The following PASD1 variants were observed in gnomAD, a reference collection of about 807,000 sequenced individuals.
PASD1 encodes the protein PAS domain containing repressor 1, also known as circadian clock protein PASD1.
Under a neutral mutation model 58.8 loss-of-function variants are expected in PASD1, and 13 were observed. The observed-to-expected ratio is 0.22, with a 90% confidence interval of 0.14 to 0.35. The LOEUF is 0.35. Among genes scored for constraint, PASD1 ranks in the 10% least tolerant of loss-of-function variants. The pLI, the probability that PASD1 is intolerant of heterozygous loss-of-function variation, is 1.00. For synonymous variants in PASD1, 236 were observed against 216.7 expected, an observed-to-expected ratio of 1.09 and a Z score of -0.78; for missense variants, 734 against 568.3, an observed-to-expected ratio of 1.29 and a Z score of -2.96.
At chrX:151,645,512 G>A (rs1422117599) in intron 8 of PASD1, among the ~76,000 whole-genome samples, 1 of 111,848 alleles carries the variant, frequency 8.9e-6, no homozygotes, top group Non-Finnish European at 1.9e-5. Flanking sequence ...TCAAACCTCG[G>A]TAAAATATTT....
At chrX:151,651,790 A>C (rs754441319) in intron 9 of PASD1, among the ~76,000 whole-genome samples, 1 of 112,132 alleles carries the variant, frequency 8.9e-6, no homozygotes, top group South Asian at 3.8e-4. Flanking sequence ...AGGCATTATC[A>C]TTCCAGTTTT....
At chrX:151,655,187 CA>C (rs1297440651) in intron 9 of PASD1, among the ~76,000 whole-genome samples, 2 of 111,421 alleles carry the variant, frequency 1.8e-5, no homozygotes, top group Non-Finnish European at 3.8e-5. Flanking sequence ...ATGAACTCAT[CA>C]TTTTTTATGG....
chrX:151,620,887 C>G (rs2013697795), intron 4 of PASD1, 43 bp from the exon 5 acceptor site: 2 of 1,007,329 alleles, frequency 2.0e-6, no homozygotes, highest in African/African-American at 3.8e-5. Flanking sequence ...TCTCCCTCTT[C>G]CCCTCCTTTT....
chrX:151,640,223 T>A (rs1202426910), intron 8 of PASD1, among the ~76,000 whole-genome samples: 2 of 111,887 alleles, frequency 1.8e-5, no homozygotes, highest in Non-Finnish European at 3.8e-5. Flanking sequence ...TTACTGGATG[T>A]ATTAAAAAGA....
intron 14 of PASD1, chrX:151,673,618 G>T: frequency 2.9e-6 from 1 of 345,460 alleles, no homozygotes; most frequent in Non-Finnish European, 5.1e-6. Context: ...AGCTCCCTGA[G>T]TGCTTTCAAA....
intron 9 of PASD1, among the ~76,000 whole-genome samples, chrX:151,658,155 A>T (rs1042866120): frequency 1.8e-5 from 2 of 111,962 alleles, no homozygotes; most frequent in African/African-American, 6.5e-5. Context: ...CTCTCTTTTC[A>T]AATCCTTTAG....
chrX:151,656,309 T>G (rs1275206453), intron 9 of PASD1, among the ~76,000 whole-genome samples: 1 of 111,884 alleles, frequency 8.9e-6, no homozygotes, highest in Non-Finnish European at 1.9e-5. Flanking sequence ...GCTTTGTTCT[T>G]TTGGCTTAGG....
intron 1 of PASD1, among the ~76,000 whole-genome samples, chrX:151,594,054 A>G (rs1462115532): frequency 9.0e-6 from 1 of 111,088 alleles, no homozygotes; most frequent in Non-Finnish European, 1.9e-5. Context: ...GCTCACTGCA[A>G]TCTCGGCCTC....
chrX:151,624,869 A>T (rs1230889932), intron 7 of PASD1, among the ~76,000 whole-genome samples: 1 of 112,068 alleles, frequency 8.9e-6, no homozygotes, highest in Non-Finnish European at 1.9e-5. Flanking sequence ...GAAGTTGCCT[A>T]ATTCAGTTGC....
rs977177986 is a variant in PASD1 at position 151,585,579 on chromosome X, A to G, written c.-27-15948A>G. ...CTGAGCTTGAGGCCTGGCATTGAGG[A>G]TTGGTAGGAGCAGGCAAGTGTGAGT... On this transcript the variant is annotated intron_variant, in intron 1 of 15. Coordinates refer to ENST00000370357, the MANE Select transcript of PASD1 (RefSeq NM_173493.3). Among the ~76,000 whole-genome samples the G allele has an allele frequency of 2.7e-5, 3 of 110,929 alleles. No individual in the cohort carries two copies. In the Admixed American group the frequency reaches 2.9e-4, roughly 11 times the overall value.
chrX:151,652,540 A>C lies in PASD1; in HGVS notation c.717+3838A>C, dbSNP rs916870807. On this transcript the variant is annotated intron_variant, in intron 9 of 15. Transcript: ENST00000370357. ...AGAATGAGACTCCGTCTCAAAAAAA[A>C]AAAAAACAAAAAACAAACAAACAAA... 3.3e-3 allele frequency among the ~76,000 whole-genome samples: 351 copies of C among 105,256 alleles called. 3 individuals are homozygous for C. The highest frequency in any genetic ancestry group is 0.012 in the African/African-American group (343 of 29,562). 91.4% of individuals were successfully genotyped at this position (105,256 alleles called of 115,157 possible).
intron 1 of PASD1, among the ~76,000 whole-genome samples, chrX:151,573,388 G>A (rs1466100251): frequency 1.8e-5 from 2 of 112,483 alleles, no homozygotes; most frequent in Non-Finnish European, 3.8e-5. Context: ...CTCTGGAGAA[G>A]TAACAAGTTC....
chrX:151,637,783 C>T (rs1047611850), intron 8 of PASD1, among the ~76,000 whole-genome samples: 5 of 111,638 alleles, frequency 4.5e-5, no homozygotes, highest in Non-Finnish European at 7.5e-5. Context: ...ATTTGCATTC[C>T]CCCTAAGGAC....
chrX:151,574,840 G>A (rs763529990), intron 1 of PASD1, among the ~76,000 whole-genome samples: 14 of 111,692 alleles, frequency 1.3e-4, no homozygotes, highest in Middle Eastern at 9.3e-3. Flanking sequence ...AAATAGAGAC[G>A]AGGTCTCGTT....
chrX:151,672,142 G>T (rs1352469547), intron 13 of PASD1, 41 bp from the exon 14 acceptor site: 3 of 1,122,988 alleles, frequency 2.7e-6, no homozygotes, highest in Non-Finnish European at 3.5e-6. Flanking sequence ...GGAGGCTCTT[G>T]CAGACACCAG....
intron 11 of PASD1, among the ~76,000 whole-genome samples, chrX:151,667,716 C>T (rs1476693742): frequency 5.4e-5 from 6 of 111,445 alleles, no homozygotes; most frequent in Non-Finnish European, 9.4e-5. Flanking sequence ...TTTCTGAGGG[C>T]TCTGTTCTGT....
At chrX:151,668,306 G>A (rs1467662376) in intron 11 of PASD1, among the ~76,000 whole-genome samples, 4 of 111,582 alleles carry the variant, frequency 3.6e-5, no homozygotes, top group Admixed American at 2.9e-4. Context: ...GCTGGATTAC[G>A]TTTATTGATT....
chrX:151,646,748 G>A (rs1180821354), intron 8 of PASD1, among the ~76,000 whole-genome samples: 1 of 112,419 alleles, frequency 8.9e-6, no homozygotes, highest in African/African-American at 3.2e-5. Flanking sequence ...GATGAAGGAT[G>A]TGAAAACATT....
intron 8 of PASD1, among the ~76,000 whole-genome samples, chrX:151,643,539 A>G (rs1338260300): frequency 8.9e-6 from 1 of 111,806 alleles, no homozygotes; most frequent in East Asian, 2.8e-4. Flanking sequence ...AAAACATTTC[A>G]TGTACCCCAT....
Sources: gnomAD v4.1 joint callset for allele counts (sites outside exome capture counted in the v4.1 genomes callset) on GRCh38, gnomAD v4.1.1 for gene constraint, MANE v1.5 for transcripts, NCBI Gene and HGNC (gene_info 2026-07-23, HGNC 2026-07-21) for gene names.